MTSS1: variants seen among roughly 807,000 people sequenced by gnomAD.
MTSS1 encodes MTSS I-BAR domain containing 1, also known as protein MTSS 1.
MTSS1 carries 18 observed loss-of-function variants against 79.0 expected under a neutral mutation model. The observed-to-expected ratio is 0.23, with a 90% CI of 0.16 to 0.34. MTSS1 has a LOEUF of 0.34. Among genes scored for constraint, MTSS1 ranks in the 10% least tolerant of loss-of-function variants. MTSS1 has a pLI of 1.00. For synonymous variants in MTSS1, 341 were observed against 368.6 expected (o/e 0.93, Z 0.86); for missense variants, 815 against 986.2 (o/e 0.83, Z 2.33).
At chr8:124,712,004 T>G (rs2135601316) in intron 1 of MTSS1, among the ~76,000 whole-genome samples, 1 of 138,872 alleles carries the variant, frequency 7.2e-6, no homozygotes, top group South Asian at 2.2e-4. Flanking sequence ...CGAGACTGTC[T>G]CAGAAAAAAA....
In MTSS1 at chr8:124,551,711, A is replaced by G. The variant is rs1386895086; in HGVS notation, c.*1281T>C. On this transcript the variant is annotated 3_prime_UTR_variant, in exon 14 of 14. Transcript: ENST00000518547. ...AGGGGATGGGCAGTATAACAAATTT[A>G]ACTTCCACTTAGAAAAGACAAATCT... The G allele has an allele frequency of 1.3e-5, 2 of 152,008 alleles. No homozygotes were observed. Among genetic ancestry groups the G allele is most frequent in the African/African-American group, 4.8e-5 (2 of 41,328 alleles). 9.4% of individuals were successfully genotyped at this position (152,008 alleles called of 1,614,324 possible). A position where few individuals can be genotyped will look rare whatever the true frequency, so the allele number is the denominator to read the frequency against.
intron 1 of MTSS1, among the ~76,000 whole-genome samples, chr8:124,724,691 A>G (rs1833431886): frequency 6.6e-6 from 1 of 152,194 alleles, no homozygotes; most frequent in South Asian, 2.1e-4. Context: ...AGAACTCCCC[A>G]GACATCACCA....
In MTSS1 at chr8:124,609,535, G is replaced by A. The variant is rs148210515; in HGVS notation, c.209-18300C>T. Among the ~76,000 whole-genome samples, 96 of 152,288 alleles carry A rather than the reference G, an allele frequency of 6.3e-4. 1 individual carries two copies. Among genetic ancestry groups the A allele is most frequent in the African/African-American group, 1.3e-3 (53 of 41,542 alleles). On this transcript the variant is annotated intron_variant, in intron 3 of 13. Transcript: ENST00000518547. ...GGAGTAAGCTTTTATCTTCTCCCTT[G>A]CAGAGGATTAGAAGTGGTTCAGAGG...
intron 5 of MTSS1, among the ~76,000 whole-genome samples, chr8:124,586,399 A>G (rs1008532927): frequency 1.3e-5 from 2 of 152,172 alleles, no homozygotes; most frequent in Non-Finnish European, 2.9e-5. Flanking sequence ...TGATGAAACC[A>G]TGTACACCTA....
At chr8:124,589,849 G>A (rs1418094233) in intron 4 of MTSS1, 138 bp from the exon 5 acceptor site, 1 of 640,022 alleles carries the variant, frequency 1.6e-6, no homozygotes, top group Non-Finnish European at 2.7e-6. Context: ...CTCCAGAACA[G>A]CCATGTTCCA....
intron 3 of MTSS1, chr8:124,699,278 C>G (rs1261505632): frequency 6.0e-6 from 3 of 497,278 alleles, no homozygotes; most frequent in Admixed American, 3.6e-5. Context: ...AAGAACCCAT[C>G]AAGCCAACTC....
At chr8:124,554,101 GATA>G (rs2131700737) in intron 13 of MTSS1, among the ~76,000 whole-genome samples, 1 of 152,342 alleles carries the variant, frequency 6.6e-6, no homozygotes, top group East Asian at 1.9e-4. Flanking sequence ...ACATCTCCCT[GATA>G]ATTAACTGGA....
chr8:124,634,716 AT>A (rs1290835011), intron 3 of MTSS1, among the ~76,000 whole-genome samples: 3 of 150,114 alleles, frequency 2.0e-5, no homozygotes, highest in Non-Finnish European at 4.4e-5. Context: ...AAAAAAAAAA[AT>A]GCTAGCAAAT....
intron 3 of MTSS1, among the ~76,000 whole-genome samples, chr8:124,664,653 G>A (rs909017391): frequency 3.9e-5 from 6 of 152,126 alleles, no homozygotes; most frequent in African/African-American, 1.4e-4. Flanking sequence ...TGTGTGTCAG[G>A]AGACCCCTCT....
intron 3 of MTSS1, among the ~76,000 whole-genome samples, chr8:124,662,092 G>A (rs973959300): frequency 6.6e-6 from 1 of 152,152 alleles, no homozygotes; most frequent in Admixed American, 6.5e-5. Context: ...GGAAAGGCAG[G>A]GGTGGCATGT....
intron 3 of MTSS1, among the ~76,000 whole-genome samples, chr8:124,596,124 G>C (rs140503549): frequency 6.6e-6 from 1 of 152,300 alleles, no homozygotes; most frequent in East Asian, 1.9e-4. Context: ...ATGTCCCTTA[G>C]CCACCAACCC....
intron 13 of MTSS1, among the ~76,000 whole-genome samples, chr8:124,554,093 A>T (rs1244887669): frequency 6.6e-6 from 1 of 152,234 alleles, no homozygotes; most frequent in African/African-American, 2.4e-5. Flanking sequence ...AGGCTATAAC[A>T]TCTCCCTGAT....
chr8:124,725,300 G>A (rs1021433112), intron 1 of MTSS1, among the ~76,000 whole-genome samples: 4 of 152,134 alleles, frequency 2.6e-5, no homozygotes, highest in Admixed American at 2.6e-4. Flanking sequence ...GCTTTTCCAT[G>A]TCTTGAGGTT....
At chr8:124,607,454 T>C (rs1012956868) in intron 3 of MTSS1, among the ~76,000 whole-genome samples, 26 of 152,220 alleles carry the variant, frequency 1.7e-4, no homozygotes, top group Admixed American at 3.3e-4. Context: ...AGTGTCTGGA[T>C]GGTTTCTGAT....
At chr8:124,624,669 G>A (rs1035122776) in intron 3 of MTSS1, among the ~76,000 whole-genome samples, 8 of 152,170 alleles carry the variant, frequency 5.3e-5, no homozygotes, top group Non-Finnish European at 1.0e-4. Context: ...CCAGGGGGAA[G>A]GCCAAATATC....
chr8:124,571,069 T>C (rs1246001530), intron 6 of MTSS1, among the ~76,000 whole-genome samples: 1 of 152,224 alleles, frequency 6.6e-6, no homozygotes, highest in Admixed American at 6.5e-5. Context: ...CTTCAATTTC[T>C]TCCTCAAGGA....
chr8:124,608,210 C>G (rs889590262), intron 3 of MTSS1, among the ~76,000 whole-genome samples: 9 of 152,028 alleles, frequency 5.9e-5, no homozygotes, highest in Admixed American at 2.6e-4. Context: ...AGTTCTCCTT[C>G]TCCTGCACTG....
intron 3 of MTSS1, among the ~76,000 whole-genome samples, chr8:124,622,357 G>A (rs11784275): frequency 0.051 from 7,703 of 151,990 alleles, 312 homozygotes; most frequent in African/African-American, 0.11. Context: ...GTGAAAGGAC[G>A]CAGAGAGGCA....
At chr8:124,698,621 C>G (rs1165240343) in intron 3 of MTSS1, among the ~76,000 whole-genome samples, 1 of 150,918 alleles carries the variant, frequency 6.6e-6, no homozygotes, top group Non-Finnish European at 1.5e-5. Context: ...AAGCAACTGT[C>G]ATGCCTCAGC....
Sources: allele counts gnomAD v4.1 joint callset (sites outside exome capture counted in the v4.1 genomes callset), GRCh38; gene constraint gnomAD v4.1.1; transcripts MANE v1.5; gene names NCBI Gene and HGNC (gene_info 2026-07-23, HGNC 2026-07-21).